SRD5A2: variants seen among roughly 807,000 people sequenced by gnomAD.
SRD5A2 encodes 3-oxo-5-alpha-steroid 4-dehydrogenase 2.
A neutral mutation model predicts 27.4 loss-of-function variants in SRD5A2; 30 were observed. The observed-to-expected ratio is 1.10, with a 90% CI of 0.82 to 1.49. SRD5A2 has a LOEUF of 1.49. SRD5A2 is among the 40% of genes most tolerant of loss of function. The pLI, the probability that SRD5A2 is intolerant of heterozygous loss-of-function variation, is 0.00. For missense variants in SRD5A2, 348 were observed against 323.4 expected, an observed-to-expected ratio of 1.08 and a Z score of -0.58; for synonymous variants, 141 against 133.6, an observed-to-expected ratio of 1.06 and a Z score of -0.38.
In SRD5A2 at chr2:31,575,040, T is replaced by C. The variant is rs148904205; in HGVS notation, c.281+5580A>G. Reference sequence around the variant, plus strand: ...TTCTAAAAAAATCCTTCAATTAATCTTAATTTATTTAAATTATGATTCAGG... The same window carrying C: ...TTCTAAAAAAATCCTTCAATTAATCCTAATTTATTTAAATTATGATTCAGG... On this transcript the variant is annotated intron_variant, in intron 1 of 4. Transcript: ENST00000622030. Among the ~76,000 whole-genome samples, 40 of 152,366 alleles carry C rather than the reference T, an allele frequency of 2.6e-4. 1 individual carries two copies. In the East Asian group the frequency reaches 4.6e-3, roughly 18 times the overall value.
At chr2:31,654,357 T>C in the SRD5A2 span, among the ~76,000 whole-genome samples, 1 of 152,144 alleles carries the variant, frequency 6.6e-6, no homozygotes, top group South Asian at 2.1e-4. Flanking sequence ...ATCCTTTATT[T>C]ACAACAATGG....
At chr2:31,530,148 C>G (rs1269944431) in intron 3 of SRD5A2, among the ~76,000 whole-genome samples, 1 of 152,182 alleles carries the variant, frequency 6.6e-6, no homozygotes, top group Non-Finnish European at 1.5e-5. Flanking sequence ...TATATCCACA[C>G]TAAATTTTAT....
the SRD5A2 span, among the ~76,000 whole-genome samples, chr2:31,655,435 A>T: frequency 1.3e-5 from 2 of 152,282 alleles, no homozygotes; most frequent in East Asian, 3.9e-4. Context: ...CCAACAGCTA[A>T]AGTATCTCAC....
chr2:31,556,032 T>G (rs1414162708), intron 1 of SRD5A2, among the ~76,000 whole-genome samples: 52 of 152,214 alleles, frequency 3.4e-4, no homozygotes, highest in Admixed American at 3.4e-3. Flanking sequence ...ATTGTTCTCT[T>G]TGGAGCAAAA....
chr2:31,560,698 C>T (rs1488801261), intron 1 of SRD5A2, among the ~76,000 whole-genome samples: 1 of 152,146 alleles, frequency 6.6e-6, no homozygotes, highest in East Asian at 1.9e-4. Context: ...TCCTTTTACT[C>T]CCCTTTCCCT....
At chr2:31,543,134 G>A (rs1443066751) in intron 1 of SRD5A2, among the ~76,000 whole-genome samples, 1 of 152,132 alleles carries the variant, frequency 6.6e-6, no homozygotes, top group African/African-American at 2.4e-5. Context: ...GAGATAAGAA[G>A]GCAGTGGGCT....
chr2:31,542,198 G>A (rs1042956568), intron 1 of SRD5A2, among the ~76,000 whole-genome samples: 1 of 152,080 alleles, frequency 6.6e-6, no homozygotes, highest in Non-Finnish European at 1.5e-5. Context: ...GAGTAAAGAG[G>A]GCTTTATTTT....
At chr2:31,620,919 A>G in the SRD5A2 span, among the ~76,000 whole-genome samples, 10 of 147,214 alleles carry the variant, frequency 6.8e-5, no homozygotes, top group Non-Finnish European at 1.0e-4. Context: ...ACCCTTAAAA[A>G]TTATATATAT....
At chr2:31,601,073 T>G in the SRD5A2 span, among the ~76,000 whole-genome samples, 1 of 151,690 alleles carries the variant, frequency 6.6e-6, no homozygotes, top group Admixed American at 6.6e-5. Context: ...ATAACCAAGA[T>G]CAGACCTGAA....
chr2:31,548,089 T>A (rs967526650), intron 1 of SRD5A2, among the ~76,000 whole-genome samples: 2 of 151,736 alleles, frequency 1.3e-5, no homozygotes, highest in Admixed American at 1.3e-4. Flanking sequence ...TATAGAAAAA[T>A]TAACTCAAAA....
the SRD5A2 span, among the ~76,000 whole-genome samples, chr2:31,589,010 T>C: frequency 6.6e-6 from 1 of 152,180 alleles, no homozygotes; most frequent in Non-Finnish European, 1.5e-5. Context: ...GCAGTTTTAC[T>C]GTTGCAAACT....
In SRD5A2 at chr2:31,580,851, A is replaced by G. The variant is rs1667067737; in HGVS notation, c.50T>C (p.Leu17Ser). ...CAAGGCCAGTGCCCCAAGGGCGACC[A>G]AAGTGGCGCTGCCTGCCAGCACTGG... ...QSPVLAGSATLVALGALALYV... is the reference protein window; with the variant it reads ...QSPVLAGSATSVALGALALYV... The change falls in exon 1 of 5, where the codon TTG (leucine) becomes TCG (serine). Residue 17 changes from leucine (L) to serine (S), a missense_variant. Coordinates refer to ENST00000622030, the MANE Select transcript of SRD5A2 (RefSeq NM_000348.4). The G allele has an allele frequency of 6.2e-7, 1 of 1,611,536 alleles. No homozygotes were observed. The highest frequency in any genetic ancestry group is 1.7e-5 in the Admixed American group (1 of 59,970).
chr2:31,526,696 T>C (rs1044301151), intron 4 of SRD5A2, among the ~76,000 whole-genome samples: 3 of 152,148 alleles, frequency 2.0e-5, no homozygotes, highest in African/African-American at 7.2e-5. Context: ...AAAATATCCC[T>C]TCATGAGGCC....
the SRD5A2 span, among the ~76,000 whole-genome samples, chr2:31,606,233 C>A: frequency 6.6e-6 from 1 of 151,820 alleles, no homozygotes; most frequent in Non-Finnish European, 1.5e-5. Context: ...ATTGATAGCA[C>A]AACAGGATGG....
At chr2:31,556,519 T>C (rs1460929536) in intron 1 of SRD5A2, among the ~76,000 whole-genome samples, 1 of 152,132 alleles carries the variant, frequency 6.6e-6, no homozygotes, top group Non-Finnish European at 1.5e-5. Context: ...TGCAAACACA[T>C]GGATTCTTAT....
At chr2:31,650,815 G>A in the SRD5A2 span, among the ~76,000 whole-genome samples, 1 of 152,076 alleles carries the variant, frequency 6.6e-6, no homozygotes, top group African/African-American at 2.4e-5. Flanking sequence ...GAGAGAAGAG[G>A]GAAAACCACA....
chr2:31,651,619 C>T, the SRD5A2 span: 1 of 155,078 alleles, frequency 6.4e-6, no homozygotes, highest in Admixed American at 6.5e-5. Flanking sequence ...AACTACTGCT[C>T]AGACTCAGCC....
intron 1 of SRD5A2, among the ~76,000 whole-genome samples, chr2:31,547,443 A>G (rs749158676): frequency 3.9e-5 from 6 of 152,202 alleles, no homozygotes; most frequent in Non-Finnish European, 8.8e-5. Flanking sequence ...GAGTTGGTGG[A>G]CTGGGTGGAG....
At chr2:31,559,805 C>T (rs1005328726) in intron 1 of SRD5A2, among the ~76,000 whole-genome samples, 2 of 150,396 alleles carry the variant, frequency 1.3e-5, no homozygotes, top group Non-Finnish European at 3.0e-5. Flanking sequence ...GTAACCAATA[C>T]ATCAGTGCCC....
Sources: allele counts gnomAD v4.1 joint callset (sites outside exome capture counted in the v4.1 genomes callset), GRCh38; gene constraint gnomAD v4.1.1; transcripts MANE v1.5; gene names NCBI Gene and HGNC (gene_info 2026-07-23, HGNC 2026-07-21).